The following STX6 variants were observed in gnomAD, a reference collection of about 807,000 sequenced individuals.
STX6 encodes the protein syntaxin-6.
In STX6, 23 loss-of-function variants were observed where a neutral mutation model predicts 38.0. The ratio of observed to expected loss-of-function variants is 0.60; its 90% CI spans 0.43 to 0.86. The LOEUF (loss-of-function observed/expected upper bound fraction) is 0.86. STX6 is among the 40% of genes least tolerant of loss of function. STX6 has a pLI of 0.00. For synonymous variants in STX6, 123 were observed against 107.5 expected (o/e 1.14, Z -0.89); for missense variants, 274 against 312.9 (o/e 0.88, Z 0.94).
chr1:181,009,261 G>A (rs1013974979), intron 1 of STX6, among the ~76,000 whole-genome samples: 2 of 152,086 alleles, frequency 1.3e-5, no homozygotes, highest in Non-Finnish European at 2.9e-5. Flanking sequence ...GAGGTCAGGA[G>A]TTCAAGACCA....
intron 7 of STX6, among the ~76,000 whole-genome samples, chr1:180,978,380 G>A (rs1224600737): frequency 1.3e-5 from 2 of 152,160 alleles, no homozygotes; most frequent in Non-Finnish European, 2.9e-5. Flanking sequence ...CCAGTGTTCT[G>A]GTAGGAAAAC....
intron 1 of STX6, among the ~76,000 whole-genome samples, chr1:181,009,593 C>T (rs1656335682): frequency 6.6e-6 from 1 of 151,796 alleles, no homozygotes; most frequent in South Asian, 2.1e-4. Context: ...TCTTCAATTA[C>T]ATACTACTAC....
intron 4 of STX6, among the ~76,000 whole-genome samples, chr1:180,993,022 C>A (rs1020044848): frequency 6.6e-5 from 10 of 152,136 alleles, no homozygotes; most frequent in African/African-American, 2.4e-4. Context: ...TAATTATAGC[C>A]CTTCAAAGAG....
Position 180,993,394 on chromosome 1 carries a change from A to C in STX6, c.332T>G (p.Val111Gly). 6.2e-7 allele frequency: 1 copy of C among 1,600,344 alleles called. No homozygotes were observed. The highest frequency in any genetic ancestry group is 8.6e-7 in the Non-Finnish European group (1 of 1,168,672). Reference sequence around the variant, plus strand: ...ATTTTTTCTTTCAGCTAATGCCTGCACAGATGAAGTTGACATCTGATCTTT... The same window carrying C: ...ATTTTTTCTTTCAGCTAATGCCTGCCCAGATGAAGTTGACATCTGATCTTT... The part of the protein sequence containing the change: ...DMKDQMSTSS[V>G]QALAERKNRQ... Residue 111 changes from valine (V) to glycine (G), a missense_variant, in exon 4 of 8, where the codon GTG becomes GGG. Val to Gly is a moderately radical substitution (Grantham distance 109). Coordinates refer to ENST00000258301, the MANE Select transcript of STX6 (RefSeq NM_005819.6).
intron 7 of STX6, among the ~76,000 whole-genome samples, chr1:180,979,110 T>C (rs920056833): frequency 3.9e-5 from 6 of 152,042 alleles, no homozygotes; most frequent in African/African-American, 1.4e-4. Flanking sequence ...ATGGAAATTC[T>C]AGAATGAAAA....
chr1:180,986,937 A>C (rs758565218), intron 6 of STX6, among the ~76,000 whole-genome samples: 42 of 152,246 alleles, frequency 2.8e-4, no homozygotes, highest in Middle Eastern at 3.4e-3. Context: ...GATAGACATG[A>C]AACAGATTCT....
intron 7 of STX6, among the ~76,000 whole-genome samples, chr1:180,983,835 C>G (rs899265153): frequency 6.6e-6 from 1 of 151,862 alleles, no homozygotes; most frequent in African/African-American, 2.4e-5. Flanking sequence ...GAGGCCGAGG[C>G]GGGCAGATCA....
At chr1:181,018,000 C>A (rs1227832360) in intron 1 of STX6, among the ~76,000 whole-genome samples, 2 of 152,072 alleles carry the variant, frequency 1.3e-5, no homozygotes, top group Non-Finnish European at 2.9e-5. Flanking sequence ...AATGTATCTT[C>A]CAGGATGAAC....
chr1:180,980,541 T>G (rs1655376911), intron 7 of STX6: 2 of 128,638 alleles, frequency 1.6e-5, no homozygotes, highest in African/African-American at 2.9e-5. Context: ...TATAAAAACC[T>G]GCACTTTTTT....
chr1:180,996,026 A>G (rs1655905826), intron 3 of STX6, among the ~76,000 whole-genome samples: 1 of 152,122 alleles, frequency 6.6e-6, no homozygotes, highest in Admixed American at 6.5e-5. Context: ...ATATTTTAGT[A>G]AATATATGTA....
At chr1:181,015,560 G>A (rs542522173) in intron 1 of STX6, among the ~76,000 whole-genome samples, 2 of 152,074 alleles carry the variant, frequency 1.3e-5, no homozygotes, top group African/African-American at 4.8e-5. Flanking sequence ...AGAGACCTTG[G>A]GGCTCAGACA....
intron 7 of STX6, among the ~76,000 whole-genome samples, chr1:180,979,297 T>C (rs1320083057): frequency 6.6e-6 from 1 of 152,020 alleles, no homozygotes; most frequent in Non-Finnish European, 1.5e-5. Flanking sequence ...GTGGAACAAC[T>C]ATAAGACTTA....
Position 180,999,704 on chromosome 1 carries a change from T to C in STX6, c.300+2902A>G, listed in dbSNP as rs908913953. Among the ~76,000 whole-genome samples the C allele has an allele frequency of 3.3e-5, 5 of 150,092 alleles. No homozygotes were observed. In the East Asian group the frequency reaches 9.7e-4, roughly 29 times the overall value. ...ATGCATAGAGTATCACTGACTCCCCTGCCTACAAAAGAGAAAGCATAAGTA... is the reference window on the plus strand; with the variant it reads ...ATGCATAGAGTATCACTGACTCCCCCGCCTACAAAAGAGAAAGCATAAGTA... On this transcript the variant is annotated intron_variant, in intron 3 of 7. Coordinates refer to ENST00000258301, the MANE Select transcript of STX6 (RefSeq NM_005819.6).
At chr1:181,013,291 T>G (rs1320015331) in intron 1 of STX6, among the ~76,000 whole-genome samples, 13 of 152,190 alleles carry the variant, frequency 8.5e-5, no homozygotes, top group Admixed American at 8.5e-4. Context: ...ACCAACAAAT[T>G]GCGTAAGTGT....
chr1:181,005,988 C>A (rs1169661160), intron 1 of STX6, among the ~76,000 whole-genome samples: 1 of 152,124 alleles, frequency 6.6e-6, no homozygotes, highest in African/African-American at 2.4e-5. Context: ...AAATCTCATT[C>A]AATTTCCAAA....
intron 1 of STX6, among the ~76,000 whole-genome samples, chr1:181,016,698 A>G (rs1159555075): frequency 6.6e-6 from 1 of 152,242 alleles, no homozygotes; most frequent in African/African-American, 2.4e-5. Flanking sequence ...CAGACAGAGA[A>G]GGTTAAAGAA....
chr1:181,002,789 T>A (rs1656120944), intron 2 of STX6, 89 bp from the exon 3 acceptor site: 4 of 881,182 alleles, frequency 4.5e-6, no homozygotes, highest in Non-Finnish European at 7.3e-6. Flanking sequence ...TGCAAACAAA[T>A]AAAATCTGGC....
chr1:181,003,866 T>A (rs1220937798), intron 2 of STX6, among the ~76,000 whole-genome samples: 1 of 152,238 alleles, frequency 6.6e-6, no homozygotes, highest in Non-Finnish European at 1.5e-5. Context: ...ATACCATGAA[T>A]TAGCAGAGCA....
chr1:181,004,874 T>G (rs1166730608), intron 2 of STX6, among the ~76,000 whole-genome samples: 1 of 151,614 alleles, frequency 6.6e-6, no homozygotes, highest in Non-Finnish European at 1.5e-5. Context: ...TCTTAACCTG[T>G]GGACCTGATG....
Sources: gnomAD v4.1 joint callset for allele counts (sites outside exome capture counted in the v4.1 genomes callset) on GRCh38, gnomAD v4.1.1 for gene constraint, MANE v1.5 for transcripts, NCBI Gene and HGNC (gene_info 2026-07-23, HGNC 2026-07-21) for gene names.